CNTN4: variants seen among roughly 807,000 people sequenced by gnomAD.
CNTN4 encodes the protein contactin-4.
CNTN4 carries 77 observed loss-of-function variants against 122.5 expected under a neutral mutation model. The observed-to-expected ratio is 0.63, with a 90% CI of 0.52 to 0.76. The LOEUF is 0.76. CNTN4 is among the 30% of genes least tolerant of loss of function. The pLI, the probability that CNTN4 is intolerant of heterozygous loss-of-function variation, is 0.00. For synonymous variants in CNTN4, 512 were observed against 447.0 expected (o/e 1.15, Z -1.83); for missense variants, 1,256 against 1,259.1 (o/e 1.00, Z 0.04).
At chr3:2,814,766 C>G (rs2092690349) in intron 6 of CNTN4, among the ~76,000 whole-genome samples, 1 of 152,318 alleles carries the variant, frequency 6.6e-6, no homozygotes, top group East Asian at 1.9e-4. Context: ...TTTGTATCTT[C>G]TGGCCACTTC....
intron 17 of CNTN4, among the ~76,000 whole-genome samples, chr3:3,036,801 GAA>G (rs1434763589): frequency 6.6e-6 from 1 of 150,676 alleles, no homozygotes. Context: ...AAAAAGAAAA[GAA>G]AAAAAGAATA....
In CNTN4 at chr3:2,334,963, T is replaced by G. The variant is rs367774634; in HGVS notation, c.-144-4215T>G. On this transcript the variant is annotated intron_variant, in intron 2 of 24. Transcript: ENST00000418658. ...AAGGGTCTAGATCAGGACTGTTTGT[T>G]CCCTAGGGTAAAATCATCCTTTTTG... Among the ~76,000 whole-genome samples, 174 of 152,336 alleles carry G rather than the reference T, an allele frequency of 1.1e-3. 1 individual carries two copies. Among genetic ancestry groups the G allele is most frequent in the African/African-American group, 4.0e-3 (166 of 41,578 alleles).
At chr3:2,785,663 T>G (rs1301149667) in intron 6 of CNTN4, among the ~76,000 whole-genome samples, 1 of 152,054 alleles carries the variant, frequency 6.6e-6, no homozygotes, top group Non-Finnish European at 1.5e-5. Context: ...CGACAATGAG[T>G]GGTCAGGAAA....
chr3:2,403,028 G>A (rs958996171), intron 3 of CNTN4, among the ~76,000 whole-genome samples: 2 of 152,044 alleles, frequency 1.3e-5, no homozygotes, highest in African/African-American at 2.4e-5. Flanking sequence ...GGCAGGGTTC[G>A]TTTCTTTTGA....
At chr3:2,294,505 C>G (rs561190745) in intron 2 of CNTN4, among the ~76,000 whole-genome samples, 1 of 152,082 alleles carries the variant, frequency 6.6e-6, no homozygotes, top group East Asian at 1.9e-4. Flanking sequence ...GTGGCAGACA[C>G]CTGTAATCCA....
At chr3:3,011,810 T>A (rs768952794) in intron 14 of CNTN4, among the ~76,000 whole-genome samples, 1 of 152,084 alleles carries the variant, frequency 6.6e-6, no homozygotes, top group Non-Finnish European at 1.5e-5. Context: ...AGTCTCTGCA[T>A]GTTTGGAGAA....
At position 3,042,333 on chromosome 3, in the gene CNTN4, A is replaced by G. The variant is rs528618884; in HGVS notation, c.2422A>G (p.Ile808Val). The change falls in exon 21 of 25, where the codon ATC (isoleucine) becomes GTC (valine). Residue 808 changes from isoleucine to valine, a missense_variant. Ile to Val is a conservative substitution (Grantham distance 29). Transcript: ENST00000418658. ...AGAACCCACCAAACCACCAGCCAGT[A>G]TCTTTGCCAGAAGTCTTTCTGCCAC... The part of the protein sequence containing the change: ...EEEPTKPPAS[I>V]FARSLSATDI... 2.4e-5 allele frequency: 39 copies of G among 1,614,156 alleles called. No individual in the cohort carries two copies. The Admixed American group carries it at 2.5e-4, about 10-fold the overall frequency.
At chr3:2,531,237 T>C (rs13073522) in intron 3 of CNTN4, among the ~76,000 whole-genome samples, 18,686 of 152,214 alleles carry the variant, frequency 0.12, 1,385 homozygotes, top group Non-Finnish European at 0.18. Context: ...CAAGGTGTTG[T>C]CTTCAGGGTG....
intron 2 of CNTN4, among the ~76,000 whole-genome samples, chr3:2,316,882 T>A (rs931724132): frequency 4.6e-5 from 7 of 152,192 alleles, no homozygotes; most frequent in African/African-American, 1.7e-4. Context: ...CAAACCTTTT[T>A]AATAAGTAAC....
At chr3:2,128,917 A>G (rs1339630487) in intron 2 of CNTN4, among the ~76,000 whole-genome samples, 1 of 152,202 alleles carries the variant, frequency 6.6e-6, no homozygotes, top group South Asian at 2.1e-4. Flanking sequence ...TTGGTTTTAC[A>G]GGACTCTTAG....
intron 18 of CNTN4, 35 bp from the exon 19 acceptor site, chr3:3,038,898 G>T: frequency 1.9e-6 from 3 of 1,601,896 alleles, no homozygotes; most frequent in Non-Finnish European, 2.6e-6. Flanking sequence ...CGCCTTTGCC[G>T]CCTGACATAA....
At chr3:2,437,551 A>G (rs1051302043) in intron 3 of CNTN4, among the ~76,000 whole-genome samples, 2 of 152,204 alleles carry the variant, frequency 1.3e-5, no homozygotes, top group African/African-American at 2.4e-5. Flanking sequence ...GCAATTGAAA[A>G]AAGAAAAACC....
At chr3:3,041,065 C>T (rs1700121370) in intron 20 of CNTN4, 1 of 152,240 alleles carries the variant, frequency 6.6e-6, no homozygotes, top group Non-Finnish European at 1.5e-5. Flanking sequence ...TCCCTGCTCT[C>T]GGGATGCCTC....
chr3:2,122,023 G>GT (rs199942777), intron 2 of CNTN4, among the ~76,000 whole-genome samples: 44,624 of 147,810 alleles, frequency 0.3, 7,252 homozygotes, highest in Admixed American at 0.43. Flanking sequence ...GGGCGTGGTG[G>GT]CGGCGCCTGT....
At position 2,741,442 on chromosome 3, in the gene CNTN4, C is replaced by G. The variant is rs142302779; in HGVS notation, c.183-4080C>G. The stretch of plus-strand genomic sequence containing the variant: ...AAGAAAACAACAACTCTCTAATGGA[C>G]CATATAATTAGGGTGAACATGTAAT... On this transcript the variant is annotated intron_variant, in intron 5 of 24. Coordinates refer to ENST00000418658, the MANE Select transcript of CNTN4 (RefSeq NM_175607.3). Among the ~76,000 whole-genome samples the G allele has an allele frequency of 4.2e-3, 638 of 152,248 alleles. 3 individuals are homozygous for G. The highest frequency in any genetic ancestry group is 0.015 in the African/African-American group (609 of 41,536).
At chr3:2,805,360 A>G (rs2092442241) in intron 6 of CNTN4, among the ~76,000 whole-genome samples, 1 of 152,188 alleles carries the variant, frequency 6.6e-6, no homozygotes, top group African/African-American at 2.4e-5. Context: ...TGCACTAGGA[A>G]AGTTGCAAGG....
At chr3:3,014,413 G>C (rs1342794237) in intron 14 of CNTN4, among the ~76,000 whole-genome samples, 1 of 152,120 alleles carries the variant, frequency 6.6e-6, no homozygotes, top group Non-Finnish European at 1.5e-5. Context: ...AGTTGGAAGT[G>C]GCAAGATACA....
At chr3:2,531,409 A>G (rs1056989282) in intron 3 of CNTN4, among the ~76,000 whole-genome samples, 2 of 152,188 alleles carry the variant, frequency 1.3e-5, no homozygotes, top group African/African-American at 4.8e-5. Flanking sequence ...GTTTGGAGGA[A>G]CAAATGAGGG....
chr3:2,501,235 A>G (rs1291865356), intron 3 of CNTN4, among the ~76,000 whole-genome samples: 1 of 152,158 alleles, frequency 6.6e-6, no homozygotes. Context: ...GAGTTTGTCT[A>G]GTTTTTGTGT....
Sources: gnomAD v4.1 joint callset for allele counts (sites outside exome capture counted in the v4.1 genomes callset) on GRCh38, gnomAD v4.1.1 for gene constraint, MANE v1.5 for transcripts, NCBI Gene and HGNC (gene_info 2026-07-23, HGNC 2026-07-21) for gene names.